Variants in TRAF2 observed in about 807,000 individuals in gnomAD.
The protein encoded by TRAF2 is TNF receptor-associated factor 2.
In TRAF2, 6 loss-of-function variants were observed where a neutral mutation model predicts 55.6. The ratio of observed to expected loss-of-function variants is 0.11; its 90% CI spans 0.06 to 0.21. The LOEUF (loss-of-function observed/expected upper bound fraction) is 0.21. Ranked by LOEUF, TRAF2 falls within the 10% of genes least tolerant of loss-of-function variation. The pLI, the probability that TRAF2 is intolerant of heterozygous loss-of-function variation, is 1.00. For synonymous variants in TRAF2, 329 were observed against 276.3 expected (o/e 1.19, Z -1.89); for missense variants, 561 against 684.5 (o/e 0.82, Z 2.01).
chr9:136,917,765 G>A (rs1323529429), intron 7 of TRAF2, among the ~76,000 whole-genome samples: 1 of 152,152 alleles, frequency 6.6e-6, no homozygotes. Flanking sequence ...CTTTGTCTGC[G>A]TTGGATAGTC....
In TRAF2 at chr9:136,886,653, C is replaced by CGGAGCG. The variant is rs1190654384; in HGVS notation, c.-29+121_-29+126dup. On this transcript the variant is annotated intron_variant, in intron 1 of 10. Transcript: ENST00000247668. ...GGCACCTCTCAGGGAGACTCCGGGCCGGAGCGGGAGCGGGGGCGGGAGAGG... is the reference window on the plus strand; with the variant it reads ...GGCACCTCTCAGGGAGACTCCGGGCCGGAGCGGGAGCGGGAGCGGGGGCGGGAGAGG... The CGGAGCG allele has an allele frequency of 7.3e-5, 12 of 165,220 alleles. No homozygotes were observed. The Admixed American group carries it at 7.6e-4, about 10-fold the overall frequency. 10.2% of individuals were successfully genotyped at this position (165,220 alleles called of 1,614,324 possible).
At chr9:136,924,146 C>A in intron 10 of TRAF2, 146 bp downstream of exon 10, 3 of 1,001,010 alleles carry the variant, frequency 3.0e-6, no homozygotes, top group East Asian at 2.7e-5. Flanking sequence ...CCCTGTGATG[C>A]TGTGTCACGC....
intron 6 of TRAF2, among the ~76,000 whole-genome samples, chr9:136,911,673 C>G (rs1850109640): frequency 6.6e-6 from 1 of 152,050 alleles, no homozygotes; most frequent in African/African-American, 2.4e-5. Flanking sequence ...CAGGGCAGTC[C>G]TGTCTAGGCA....
chr9:136,895,164 G>C (rs1235768555), intron 1 of TRAF2, among the ~76,000 whole-genome samples: 2 of 152,210 alleles, frequency 1.3e-5, no homozygotes, highest in African/African-American at 4.8e-5. Flanking sequence ...TCCTGGGCCT[G>C]CTGGGAGAGG....
At chr9:136,890,034 T>G (rs1849545711) in intron 1 of TRAF2, among the ~76,000 whole-genome samples, 1 of 120,348 alleles carries the variant, frequency 8.3e-6, no homozygotes, top group East Asian at 2.5e-4. Context: ...ACCGCGTGTG[T>G]GAGTCCCCCC....
chr9:136,890,955 C>T (rs1849569770), intron 1 of TRAF2, among the ~76,000 whole-genome samples: 2 of 152,310 alleles, frequency 1.3e-5, no homozygotes, highest in South Asian at 2.1e-4. Context: ...ACTGCAGCCT[C>T]CTCCTCCCCA....
rs1849749960 is a variant in TRAF2 at position 136,898,911 on chromosome 9, C to T, written c.171C>T (p.Cys57=). 6.2e-7 allele frequency: 1 copy of T among 1,609,188 alleles called. No homozygotes were observed. The highest frequency in any genetic ancestry group is 8.5e-7 in the Non-Finnish European group (1 of 1,178,506). The change falls in exon 2 of 11, where the codon TGC becomes TGT. Residue 57 remains cysteine, a synonymous_variant. Coordinates refer to ENST00000247668, the MANE Select transcript of TRAF2 (RefSeq NM_021138.4). ...GTGGCCACCGGTACTGCTCCTTCTGCCTGGCCAGCATCCTCAGGTGCATGG... is the reference window on the plus strand; with the variant it reads ...GTGGCCACCGGTACTGCTCCTTCTGTCTGGCCAGCATCCTCAGGTGCATGG... ...AQCGHRYCSF[C]LASILSSGPQ...
chr9:136,882,091 C>T (rs550182903), upstream of TRAF2: 7 of 969,134 alleles, frequency 7.2e-6, no homozygotes, highest in Non-Finnish European at 8.6e-6. Flanking sequence ...TTCATGGTCC[C>T]GTGGGGGGCC....
At position 136,898,966 on chromosome 9, in the gene TRAF2, G is replaced by T. The variant is rs760837703; in HGVS notation, c.188+38G>T. On this transcript the variant is annotated intron_variant, in intron 2 of 10. Transcript: ENST00000247668. ...TGCAGGCTGGGAGGAGGGGCAGGCA[G>T]GCTAGGCTGGTTTTAGAGCCACGCT... The T allele has an allele frequency of 1.3e-5, 20 of 1,554,194 alleles. No homozygotes were observed. In the South Asian group the frequency reaches 2.2e-4, roughly 17 times the overall value.
At chr9:136,920,139 C>T in intron 7 of TRAF2, 95 bp from the exon 8 acceptor site, 1 of 1,444,322 alleles carries the variant, frequency 6.9e-7, no homozygotes, top group African/African-American at 1.4e-5. Flanking sequence ...TGGCCTGTCT[C>T]CTCAGCTCAG....
chr9:136,915,665 T>A (rs1364886764), intron 6 of TRAF2, among the ~76,000 whole-genome samples: 1 of 152,024 alleles, frequency 6.6e-6, no homozygotes, highest in Non-Finnish European at 1.5e-5. Flanking sequence ...ACCAACCTCC[T>A]ATGGGTGGCA....
rs370337976 is a variant in TRAF2, at chr9:136,926,117, G to A, written c.*216G>A. On this transcript the variant is annotated 3_prime_UTR_variant, in exon 11 of 11. Coordinates refer to ENST00000247668, the MANE Select transcript of TRAF2 (RefSeq NM_021138.4). Reference sequence around the variant, plus strand: ...GAGACTGCGGAGGGGCTTGGCAGACGGTCTTAGCCAAGGGCTGTGGTGGCA... The same window carrying A: ...GAGACTGCGGAGGGGCTTGGCAGACAGTCTTAGCCAAGGGCTGTGGTGGCA... 304 of 748,088 alleles carry A rather than the reference G, an allele frequency of 4.1e-4. No homozygotes were observed. The highest frequency in any genetic ancestry group is 2.4e-3 in the African/African-American group (142 of 58,862). 46.3% of individuals were successfully genotyped at this position (748,088 alleles called of 1,614,324 possible).
At chr9:136,897,471 AG>A (rs993796866) in intron 1 of TRAF2, among the ~76,000 whole-genome samples, 4 of 151,910 alleles carry the variant, frequency 2.6e-5, no homozygotes, top group Non-Finnish European at 5.9e-5. Flanking sequence ...TGGTAGCTAA[AG>A]GGAATGCACT....
chr9:136,909,512 C>T (rs1850048378), intron 5 of TRAF2, among the ~76,000 whole-genome samples: 1 of 152,292 alleles, frequency 6.6e-6, no homozygotes, highest in Non-Finnish European at 1.5e-5. Context: ...ATCTGGGGTG[C>T]CAAGCCCTCC....
At chr9:136,884,058 C>A (rs2131264338), upstream of TRAF2, among the ~76,000 whole-genome samples, 1 of 151,890 alleles carries the variant, frequency 6.6e-6, no homozygotes, top group African/African-American at 2.4e-5. Context: ...CTCTTGACCT[C>A]ATGATCTGCC....
intron 1 of TRAF2, among the ~76,000 whole-genome samples, chr9:136,888,031 G>A (rs1363427672): frequency 2.0e-5 from 3 of 151,812 alleles, no homozygotes; most frequent in South Asian, 2.1e-4. Flanking sequence ...CACCACGCCC[G>A]GCTAATTTTT....
At chr9:136,897,306 GGC>G (rs1849701884) in intron 1 of TRAF2, among the ~76,000 whole-genome samples, 1 of 151,554 alleles carries the variant, frequency 6.6e-6, no homozygotes, top group South Asian at 2.1e-4. Context: ...TTGGTGCTTA[GGC>G]AGAAGGAGAG....
intron 5 of TRAF2, among the ~76,000 whole-genome samples, chr9:136,908,730 C>T (rs896279911): frequency 6.6e-6 from 1 of 152,058 alleles, no homozygotes; most frequent in African/African-American, 2.4e-5. Context: ...ATTAGCTGGG[C>T]ATGGTGGCGG....
rs1018359420 is a variant in TRAF2, at chr9:136,914,500, C to G, written c.604-2041C>G. 2.6e-5 allele frequency among the ~76,000 whole-genome samples: 4 copies of G among 152,186 alleles called. No individual in the cohort carries two copies. The East Asian group carries it at 7.7e-4, about 29-fold the overall frequency. The stretch of plus-strand genomic sequence containing the variant: ...TTTCATTCCTGCCTCCACTTCTTCC[C>G]GCAGCCCAGTGTTTCATCCGAAAAT... On this transcript the variant is annotated intron_variant, in intron 6 of 10. Transcript: ENST00000247668.
Sources: gnomAD v4.1 joint callset for allele counts (sites outside exome capture counted in the v4.1 genomes callset) on GRCh38, gnomAD v4.1.1 for gene constraint, MANE v1.5 for transcripts, NCBI Gene and HGNC (gene_info 2026-07-23, HGNC 2026-07-21) for gene names.